Variants in MTM1 observed in about 807,000 individuals in gnomAD.
MTM1 encodes myotubularin 1, also known as myotubularin.
In MTM1, 9 loss-of-function variants were observed where a neutral mutation model predicts 52.1. The ratio of observed to expected loss-of-function variants is 0.17; its 90% CI spans 0.10 to 0.30. The LOEUF (loss-of-function observed/expected upper bound fraction) is 0.30. MTM1 is among the 10% of genes least tolerant of loss of function. The pLI is 1.00. For synonymous variants in MTM1, 136 were observed against 163.8 expected (o/e 0.83, Z 1.29); for missense variants, 277 against 470.7 (o/e 0.59, Z 3.81).
chrX:150,595,004 A>C (rs1047047701), intron 2 of MTM1, among the ~76,000 whole-genome samples: 1 of 104,191 alleles, frequency 9.6e-6, no homozygotes, highest in African/African-American at 3.5e-5. Context: ...AGTACTAGAA[A>C]ATTTTTTAAA....
intron 10 of MTM1, among the ~76,000 whole-genome samples, chrX:150,657,285 A>G (rs868977838): frequency 3.6e-5 from 4 of 111,495 alleles, no homozygotes; most frequent in Non-Finnish European, 5.7e-5. Flanking sequence ...ATGGAATACT[A>G]TGCAGCCATA....
intron 4 of MTM1, among the ~76,000 whole-genome samples, chrX:150,614,265 G>T (rs1557413078): frequency 8.9e-6 from 1 of 112,256 alleles, no homozygotes; most frequent in African/African-American, 3.2e-5. Flanking sequence ...TACTTAGTTG[G>T]AGTGCAGAAT....
intron 4 of MTM1, among the ~76,000 whole-genome samples, chrX:150,613,721 C>T (rs2039332594): frequency 9.0e-6 from 1 of 111,675 alleles, no homozygotes; most frequent in Non-Finnish European, 1.9e-5. Flanking sequence ...CGTGCAAAGC[C>T]CCTAATGTAG....
At chrX:150,614,014 A>T (rs1413023056) in intron 4 of MTM1, among the ~76,000 whole-genome samples, 1 of 112,379 alleles carries the variant, frequency 8.9e-6, no homozygotes, top group Non-Finnish European at 1.9e-5. Flanking sequence ...GGCAGAGTGA[A>T]GCAAGTGGTT....
intron 12 of MTM1, among the ~76,000 whole-genome samples, chrX:150,659,992 T>C (rs1017613891): frequency 2.7e-5 from 3 of 111,800 alleles, no homozygotes; most frequent in Non-Finnish European, 5.6e-5. Context: ...AGTATTTAAC[T>C]CTGATGTCTC....
intron 6 of MTM1, among the ~76,000 whole-genome samples, chrX:150,634,901 A>G (rs1557413670): frequency 8.9e-6 from 1 of 112,172 alleles, no homozygotes; most frequent in Non-Finnish European, 1.9e-5. Flanking sequence ...TAGCTCCCCA[A>G]CAGCTTGACC....
intron 4 of MTM1, among the ~76,000 whole-genome samples, chrX:150,613,216 C>T (rs2039322211): frequency 1.8e-5 from 2 of 109,981 alleles, no homozygotes; most frequent in South Asian, 7.7e-4. Context: ...AACCAAATAA[C>T]CCTTAAAAAT....
At chrX:150,621,131 A>AG (rs1457031735) in intron 6 of MTM1, among the ~76,000 whole-genome samples, 1 of 107,638 alleles carries the variant, frequency 9.3e-6, no homozygotes, top group African/African-American at 3.4e-5. Context: ...AAAAAAAAAA[A>AG]AAAAAAAAAA....
At position 150,673,116 on chromosome X, in the gene MTM1, T is replaced by C. The variant is rs1569565557; in HGVS notation, c.*1521T>C. ...ATGGCAATAATGACTAAAGACCTGCTGTAATAAATGTATTAACTGAAACCT... is the reference window on the plus strand; with the variant it reads ...ATGGCAATAATGACTAAAGACCTGCCGTAATAAATGTATTAACTGAAACCT... On this transcript the variant is annotated 3_prime_UTR_variant, in exon 15 of 15. Coordinates refer to ENST00000370396, the MANE Select transcript of MTM1 (RefSeq NM_000252.3). 8.9e-6 allele frequency: 1 copy of C among 112,446 alleles called. No individual in the cohort carries two copies. Among genetic ancestry groups the C allele is most frequent in the African/African-American group, 3.2e-5 (1 of 30,948 alleles). The allele number at this position is 112,446 out of a possible 1,213,427, so 9.3% of individuals were successfully genotyped here. A position where few individuals can be genotyped will look rare whatever the true frequency, so the allele number is the denominator to read the frequency against.
intron 1 of MTM1, among the ~76,000 whole-genome samples, chrX:150,581,176 T>C (rs2038577326): frequency 8.9e-6 from 1 of 112,003 alleles, no homozygotes; most frequent in Non-Finnish European, 1.9e-5. Context: ...TTGGTTTTGG[T>C]TTAAAAATTA....
chrX:150,611,613 G>A (rs1449075686), intron 4 of MTM1, among the ~76,000 whole-genome samples: 1 of 111,897 alleles, frequency 8.9e-6, no homozygotes, highest in Non-Finnish European at 1.9e-5. Context: ...AAGTGGATTG[G>A]CACAACTAGA....
chrX:150,637,314 A>C (rs1397950267), intron 6 of MTM1, among the ~76,000 whole-genome samples: 2 of 111,751 alleles, frequency 1.8e-5, no homozygotes, highest in African/African-American at 6.5e-5. Context: ...ATGACAGAGG[A>C]AAATGGTTGG....
Position 150,645,756 on chromosome X carries a change from G to A in MTM1, c.752G>A (p.Gly251Glu). The A allele has an allele frequency of 8.3e-7, 1 of 1,210,308 alleles. No individual in the cohort carries two copies. The highest frequency in any genetic ancestry group is 1.1e-6 in the Non-Finnish European group (1 of 894,342). ...AGTCAGCCTCTTGTCGGTATGAGTGGGAAACGAAATAAAGATGATGAGAAA... is the reference window on the plus strand; with the variant it reads ...AGTCAGCCTCTTGTCGGTATGAGTGAGAAACGAAATAAAGATGATGAGAAA... ...RCSQPLVGMSGKRNKDDEKYL... is the reference protein window; with the variant it reads ...RCSQPLVGMSEKRNKDDEKYL... The change falls in exon 9 of 15, where the codon GGG (glycine) becomes GAG (glutamate). Residue 251 changes from glycine to glutamate, a missense_variant. Physicochemically the swap from Gly to Glu is moderately conservative, Grantham distance 98. Around this residue, in one of 4 missense-constraint regions of MTM1, gnomAD observed 164 missense variants for 283.3 expected, o/e 0.58. Coordinates refer to ENST00000370396, the MANE Select transcript of MTM1 (RefSeq NM_000252.3).
intron 4 of MTM1, among the ~76,000 whole-genome samples, chrX:150,606,619 T>C (rs2148443978): frequency 9.0e-6 from 1 of 111,593 alleles, no homozygotes; most frequent in African/African-American, 3.3e-5. Context: ...TTTTTCCTCC[T>C]TCCCTCGCAT....
Position 150,603,855 on chromosome X carries a change from G to C in MTM1, c.231+5169G>C, listed in dbSNP as rs782772534. ...AGATATGGGCTAAGGAGAGGACCCCGGGGGACATGGACACTTTTCCATGGT... is the reference window on the plus strand; with the variant it reads ...AGATATGGGCTAAGGAGAGGACCCCCGGGGACATGGACACTTTTCCATGGT... On this transcript the variant is annotated intron_variant, in intron 4 of 14. Coordinates refer to ENST00000370396, the MANE Select transcript of MTM1 (RefSeq NM_000252.3). Among the ~76,000 whole-genome samples the C allele has an allele frequency of 2.7e-5, 3 of 111,531 alleles. No individual in the cohort carries two copies. The East Asian group carries it at 8.4e-4, about 31-fold the overall frequency.
intron 9 of MTM1, among the ~76,000 whole-genome samples, chrX:150,647,747 T>C (rs1051839856): frequency 8.9e-6 from 1 of 111,969 alleles, no homozygotes; most frequent in Non-Finnish European, 1.9e-5. Flanking sequence ...CCCTTACGGA[T>C]ATTTAGAAAT....
chrX:150,603,922 C>T (rs1352398519), intron 4 of MTM1, among the ~76,000 whole-genome samples: 1 of 111,877 alleles, frequency 8.9e-6, no homozygotes, highest in East Asian at 2.8e-4. Flanking sequence ...CAAGTGGCAG[C>T]AGCCAAAGCA....
At chrX:150,638,297 A>C (rs1186353762) in intron 6 of MTM1, among the ~76,000 whole-genome samples, 1 of 111,402 alleles carries the variant, frequency 9.0e-6, no homozygotes, top group Non-Finnish European at 1.9e-5. Flanking sequence ...TCTGGAATTC[A>C]GAGGGGATGC....
At chrX:150,579,544 G>A (rs2148404019) in intron 1 of MTM1, among the ~76,000 whole-genome samples, 1 of 111,223 alleles carries the variant, frequency 9.0e-6, no homozygotes, top group South Asian at 3.8e-4. Context: ...TACCTAAGCT[G>A]GAGTGCAGTG....
Sources: gnomAD v4.1 joint callset for allele counts (sites outside exome capture counted in the v4.1 genomes callset) on GRCh38, gnomAD v4.1.1 for gene constraint, gnomAD v4.1.1 regional missense constraint, MANE v1.5 for transcripts, NCBI Gene and HGNC (gene_info 2026-07-23, HGNC 2026-07-21) for gene names.